The following PTPRN2 variants were observed in gnomAD, a reference collection of about 807,000 sequenced individuals.
The protein encoded by PTPRN2 is receptor-type tyrosine-protein phosphatase N2.
A neutral mutation model predicts 118.8 loss-of-function variants in PTPRN2; 74 were observed. The ratio of observed to expected loss-of-function variants is 0.62; its 90% CI spans 0.52 to 0.76. The LOEUF (loss-of-function observed/expected upper bound fraction) is 0.76. Ranked by LOEUF, PTPRN2 falls within the 30% of genes least tolerant of loss-of-function variation. The pLI is 0.00. For synonymous variants in PTPRN2, 641 were observed against 608.0 expected (o/e 1.05, Z -0.80); for missense variants, 1,481 against 1,394.4 (o/e 1.06, Z -0.99).
chr7:158,441,177 G>A (rs1179651688), intron 2 of PTPRN2, among the ~76,000 whole-genome samples: 2 of 148,522 alleles, frequency 1.3e-5, no homozygotes, highest in Admixed American at 1.3e-4. Flanking sequence ...AGCAGTGGTG[G>A]CAGTGGTGGT....
chr7:158,250,728 G>A (rs996881269), intron 3 of PTPRN2, among the ~76,000 whole-genome samples: 8 of 152,246 alleles, frequency 5.3e-5, no homozygotes, highest in East Asian at 3.9e-4. Context: ...TGAATGTTGC[G>A]CCGTAGTCCT....
Position 158,325,557 on chromosome 7 carries a change from C to T in PTPRN2, c.164-8625G>A, listed in dbSNP as rs535547333. On this transcript the variant is annotated intron_variant, in intron 2 of 22. Transcript: ENST00000389418. ...AGCATATTAAGGTAAATGGTATGCA[C>T]GTGAAAACTGATTTATCTCAGCTGC... 6.6e-5 allele frequency among the ~76,000 whole-genome samples: 10 copies of T among 152,272 alleles called. No homozygotes were observed. The South Asian group carries it at 1.2e-3, about 19-fold the overall frequency.
intron 14 of PTPRN2, among the ~76,000 whole-genome samples, chr7:157,634,424 A>G (rs914362431): frequency 2.0e-5 from 3 of 152,226 alleles, no homozygotes; most frequent in African/African-American, 4.8e-5. Context: ...TCAAAGTACC[A>G]TAGAAAATTA....
In PTPRN2 at chr7:157,674,482, G is replaced by A. The variant is rs1033931149; in HGVS notation, c.2001+8243C>T. Among the ~76,000 whole-genome samples, 6 of 152,240 alleles carry A rather than the reference G, an allele frequency of 3.9e-5. No individual in the cohort carries two copies. The highest frequency in any genetic ancestry group is 7.2e-5 in the African/African-American group (3 of 41,464). On this transcript the variant is annotated intron_variant, in intron 13 of 22. Transcript: ENST00000389418. The surrounding 1 kb of genome is among the most constrained non-coding windows in gnomAD (Gnocchi z 4.5). ...TTGTAACACCCAGCTCCTGCATGCC[G>A]TGGCGGCTCCAGCCATCATTCCTCA...
intron 4 of PTPRN2, among the ~76,000 whole-genome samples, chr7:158,195,190 A>G (rs1165568063): frequency 6.6e-6 from 1 of 152,212 alleles, no homozygotes; most frequent in Non-Finnish European, 1.5e-5. Context: ...TTACCTTTGT[A>G]TCTGAAGGAT....
At position 157,756,824 on chromosome 7, in the gene PTPRN2, C is replaced by T. The variant is rs114763503; in HGVS notation, c.1789-73887G>A. On this transcript the variant is annotated intron_variant, in intron 12 of 22. Transcript: ENST00000389418. Reference sequence around the variant, plus strand: ...AAAAAAAAACCCTGTTCCTGATAGACGAGAAACTGCTCAGGGGAAAGAGGA... The same window carrying T: ...AAAAAAAAACCCTGTTCCTGATAGATGAGAAACTGCTCAGGGGAAAGAGGA... 9.9e-3 allele frequency among the ~76,000 whole-genome samples: 1,491 copies of T among 150,612 alleles called. 26 individuals are homozygous for T. The highest frequency in any genetic ancestry group is 0.07 in the Middle Eastern group (20 of 284).
intron 12 of PTPRN2, among the ~76,000 whole-genome samples, chr7:157,762,191 C>G (rs1278618231): frequency 6.6e-6 from 1 of 152,168 alleles, no homozygotes; most frequent in Admixed American, 6.5e-5. Context: ...TGTGGCGATT[C>G]CTCAGGGATC....
chr7:158,177,778 G>A (rs1243199450), intron 5 of PTPRN2, among the ~76,000 whole-genome samples: 1 of 152,194 alleles, frequency 6.6e-6, no homozygotes, highest in Non-Finnish European at 1.5e-5. Context: ...ATTTCTGATA[G>A]ACATTTGGGT....
chr7:158,216,755 C>A (rs932221619), intron 3 of PTPRN2, among the ~76,000 whole-genome samples: 9 of 152,094 alleles, frequency 5.9e-5, no homozygotes, highest in Non-Finnish European at 5.9e-5. Flanking sequence ...TCAACAGGAT[C>A]TAATGAACAT....
intron 2 of PTPRN2, among the ~76,000 whole-genome samples, chr7:158,457,552 CCGTCAAAACTCCTTCCAAGTTCAT>C (rs1563317342): frequency 0.16 from 18,177 of 115,724 alleles, 7,381 homozygotes; most frequent in Admixed American, 0.16. Context: ...AGTAAAGCCA[CCGTCAAAACTCCTTCCAAGTTCAT>C]TAGCAAAGGT....
At chr7:157,750,990 A>G (rs1011322586) in intron 12 of PTPRN2, among the ~76,000 whole-genome samples, 1 of 152,190 alleles carries the variant, frequency 6.6e-6, no homozygotes, top group Non-Finnish European at 1.5e-5. Flanking sequence ...GCTTCTCTAG[A>G]AAGGGCTACT....
At chr7:158,112,364 G>A (rs1180470940) in intron 9 of PTPRN2, among the ~76,000 whole-genome samples, 1 of 152,224 alleles carries the variant, frequency 6.6e-6, no homozygotes, top group Non-Finnish European at 1.5e-5. Flanking sequence ...CAGACAGTGA[G>A]CAGAGAAGGC....
chr7:158,489,675 T>A, intron 2 of PTPRN2, 60 bp downstream of exon 2: 1 of 1,505,976 alleles, frequency 6.6e-7, no homozygotes, highest in Non-Finnish European at 8.9e-7. Context: ...GGCTGGGCGC[T>A]GCGCACGGCG....
chr7:157,904,664 C>T (rs1168361086), intron 11 of PTPRN2, among the ~76,000 whole-genome samples: 6 of 152,270 alleles, frequency 3.9e-5, no homozygotes, highest in African/African-American at 4.8e-5. Flanking sequence ...GTCTGTGGGG[C>T]GTCAGCTGAC....
chr7:158,558,237 C>T (rs1158138415), intron 1 of PTPRN2, among the ~76,000 whole-genome samples: 1 of 152,208 alleles, frequency 6.6e-6, no homozygotes, highest in African/African-American at 2.4e-5. Flanking sequence ...CCTCCCACCT[C>T]AGCCTCCCAA....
chr7:158,292,198 C>G (rs1373249163), intron 3 of PTPRN2, among the ~76,000 whole-genome samples: 2 of 152,194 alleles, frequency 1.3e-5, no homozygotes, highest in African/African-American at 4.8e-5. Context: ...CAATTTCCTC[C>G]TCTGTTGAGA....
intron 2 of PTPRN2, among the ~76,000 whole-genome samples, chr7:158,328,701 G>A (rs181693825): frequency 6.6e-6 from 1 of 151,542 alleles, no homozygotes; most frequent in African/African-American, 2.4e-5. Flanking sequence ...AGCTTCCCTT[G>A]TGAGTGTGAG....
chr7:157,943,908 G>C (rs1007794988), intron 11 of PTPRN2, among the ~76,000 whole-genome samples: 1 of 152,146 alleles, frequency 6.6e-6, no homozygotes, highest in Non-Finnish European at 1.5e-5. Context: ...TAGTGTTTTT[G>C]TATCTGTTTT....
At chr7:158,171,113 TAC>T (rs1270109205) in intron 5 of PTPRN2, among the ~76,000 whole-genome samples, 2 of 68,686 alleles carry the variant, frequency 2.9e-5, no homozygotes, top group African/African-American at 8.9e-5. Flanking sequence ...CACATATATA[TAC>T]ACACATATAT....
Sources: gnomAD v4.1 joint callset for allele counts (sites outside exome capture counted in the v4.1 genomes callset) on GRCh38, gnomAD v4.1.1 for gene constraint, Gnocchi (gnomAD v3.1) non-coding constraint, MANE v1.5 for transcripts, NCBI Gene and HGNC (gene_info 2026-07-23, HGNC 2026-07-21) for gene names.